The following ADTRP variants were observed in gnomAD, a reference collection of about 807,000 sequenced individuals.
ADTRP encodes the protein androgen dependent TFPI regulating protein, also known as androgen-dependent TFPI-regulating protein.
In ADTRP, 20 loss-of-function variants were observed where a neutral mutation model predicts 27.0. The observed-to-expected ratio is 0.74, with a 90% CI of 0.52 to 1.08. The LOEUF is 1.08. Ranked by LOEUF, ADTRP falls within the 50% of genes least tolerant of loss-of-function variation. The probability of loss-of-function intolerance (pLI) is 0.00; values close to 1 mark genes in which losing one functional copy is unlikely to be tolerated. For synonymous variants in ADTRP, 101 were observed against 105.2 expected, an observed-to-expected ratio of 0.96 and a Z score of 0.25; for missense variants, 251 against 275.0, an observed-to-expected ratio of 0.91 and a Z score of 0.62.
intron 1 of ADTRP, among the ~76,000 whole-genome samples, chr6:11,770,829 C>A (rs1006580208): frequency 1.3e-5 from 2 of 152,298 alleles, no homozygotes; most frequent in East Asian, 3.9e-4. Flanking sequence ...CACTTCCAGC[C>A]GCTCAGGCCG....
intron 1 of ADTRP, 121 bp from the exon 2 acceptor site, chr6:11,768,504 T>C: frequency 7.5e-7 from 1 of 1,325,774 alleles, no homozygotes; most frequent in Non-Finnish European, 1.0e-6. Flanking sequence ...GCTGTTGGGT[T>C]GTTTTGGTTG....
intron 1 of ADTRP, chr6:11,769,891 A>G: frequency 1.1e-6 from 1 of 880,524 alleles, no homozygotes. Context: ...TTACTACTCA[A>G]AGCTATAAAG....
At chr6:11,724,897 G>A (rs1762136081) in intron 4 of ADTRP, among the ~76,000 whole-genome samples, 2 of 152,224 alleles carry the variant, frequency 1.3e-5, no homozygotes, top group African/African-American at 4.8e-5. Context: ...ACTGAGGGAT[G>A]GCACAATGGG....
At chr6:11,757,920 T>C (rs1000654055) in intron 3 of ADTRP, among the ~76,000 whole-genome samples, 2 of 152,210 alleles carry the variant, frequency 1.3e-5, no homozygotes, top group Non-Finnish European at 2.9e-5. Context: ...TGTGGTGCTT[T>C]ATTATGGCAG....
At chr6:11,735,787 G>A (rs1195043205) in intron 3 of ADTRP, 104 bp from the exon 4 acceptor site, 1 of 771,330 alleles carries the variant, frequency 1.3e-6, no homozygotes, top group African/African-American at 1.7e-5. Flanking sequence ...CACACTGCTA[G>A]ATGAAGCTTT....
chr6:11,741,108 C>T (rs957865990), intron 3 of ADTRP, among the ~76,000 whole-genome samples: 1 of 152,110 alleles, frequency 6.6e-6, no homozygotes, highest in African/African-American at 2.4e-5. Context: ...GGGAGCGAAA[C>T]CACCCACAGA....
At chr6:11,727,464 T>C (rs1252217841) in intron 4 of ADTRP, among the ~76,000 whole-genome samples, 1 of 152,218 alleles carries the variant, frequency 6.6e-6, no homozygotes, top group Non-Finnish European at 1.5e-5. Flanking sequence ...GCTAGGAGTT[T>C]GGAGTCAGTG....
intron 3 of ADTRP, among the ~76,000 whole-genome samples, chr6:11,750,186 G>A (rs1762998428): frequency 6.6e-6 from 1 of 152,194 alleles, no homozygotes; most frequent in Non-Finnish European, 1.5e-5. Flanking sequence ...TTAAAAAACA[G>A]CCACTGTGTT....
At chr6:11,760,159 CTTGT>C (rs1352148903) in intron 3 of ADTRP, among the ~76,000 whole-genome samples, 1 of 152,136 alleles carries the variant, frequency 6.6e-6, no homozygotes, top group Non-Finnish European at 1.5e-5. Flanking sequence ...GTTCTCTCAC[CTTGT>C]TTATTTATTG....
At chr6:11,751,070 C>T (rs1561761259) in intron 3 of ADTRP, among the ~76,000 whole-genome samples, 1 of 152,162 alleles carries the variant, frequency 6.6e-6, no homozygotes, top group Non-Finnish European at 1.5e-5. Flanking sequence ...AGGCTGGTCT[C>T]GAACTTCTGG....
chr6:11,716,719 C>CTTTT (rs1554110530), intron 5 of ADTRP, among the ~76,000 whole-genome samples: 10 of 125,410 alleles, frequency 8.0e-5, no homozygotes, highest in Admixed American at 8.7e-5. Flanking sequence ...TTTTCTTTTT[C>CTTTT]TTTTTTTTTT....
In ADTRP at chr6:11,742,495, G is replaced by A. The variant is rs545125317; in HGVS notation, c.391-6812C>T. Among the ~76,000 whole-genome samples, 8 of 152,282 alleles carry A rather than the reference G, an allele frequency of 5.3e-5. No homozygotes were observed. The South Asian group carries it at 8.3e-4, about 16-fold the overall frequency. On this transcript the variant is annotated intron_variant, in intron 3 of 5. Transcript: ENST00000414691. ...CTGGGCTTCTATTGTTGAGATTCAA[G>A]TTTAGCAATATGTTCCCAGACAGAT...
chr6:11,778,502 C>T, intron 1 of ADTRP, 105 bp downstream of exon 1: 1 of 1,388,766 alleles, frequency 7.2e-7, no homozygotes, highest in Non-Finnish European at 9.6e-7. Context: ...AGAAGGAAGA[C>T]AAATAACAAA....
chr6:11,745,461 G>A (rs895702741), intron 3 of ADTRP, among the ~76,000 whole-genome samples: 3 of 152,172 alleles, frequency 2.0e-5, no homozygotes, highest in African/African-American at 7.2e-5. Context: ...CTAGGACTAG[G>A]TGAGTCCTAA....
intron 3 of ADTRP, among the ~76,000 whole-genome samples, chr6:11,742,879 G>A (rs1762761340): frequency 6.6e-6 from 1 of 152,204 alleles, no homozygotes; most frequent in Non-Finnish European, 1.5e-5. Flanking sequence ...TGTTCCAATT[G>A]TGAATCGGAC....
intron 5 of ADTRP, among the ~76,000 whole-genome samples, chr6:11,719,918 G>A (rs1047694087): frequency 6.6e-6 from 1 of 152,096 alleles, no homozygotes; most frequent in Admixed American, 6.5e-5. Flanking sequence ...TCCTGCTGTA[G>A]GCGCTAGATC....
chr6:11,747,968 T>C (rs1762921247), intron 3 of ADTRP, among the ~76,000 whole-genome samples: 2 of 152,228 alleles, frequency 1.3e-5, no homozygotes, highest in Admixed American at 1.3e-4. Context: ...AGTTACCTAA[T>C]TAACATCTGA....
At chr6:11,724,741 T>A (rs1474358110) in intron 4 of ADTRP, among the ~76,000 whole-genome samples, 1 of 152,166 alleles carries the variant, frequency 6.6e-6, no homozygotes, top group Non-Finnish European at 1.5e-5. Flanking sequence ...TCTGTCCCCA[T>A]CTCCTCAATG....
At chr6:11,729,263 G>A (rs527916757) in intron 4 of ADTRP, among the ~76,000 whole-genome samples, 1 of 152,232 alleles carries the variant, frequency 6.6e-6, no homozygotes, top group East Asian at 1.9e-4. Context: ...AGGAGAAACT[G>A]CAAGGCTAGA....
Sources: allele counts gnomAD v4.1 joint callset (sites outside exome capture counted in the v4.1 genomes callset), GRCh38; gene constraint gnomAD v4.1.1; transcripts MANE v1.5; gene names NCBI Gene and HGNC (gene_info 2026-07-23, HGNC 2026-07-21).